The following ZNF521 variants were observed in gnomAD, a reference collection of about 807,000 sequenced individuals.
The protein encoded by ZNF521 is zinc finger protein 521.
A neutral mutation model predicts 105.5 loss-of-function variants in ZNF521; 14 were observed. The observed-to-expected ratio is 0.13, with a 90% CI of 0.09 to 0.21. ZNF521 has a LOEUF of 0.21. ZNF521 is among the 10% of genes least tolerant of loss of function. ZNF521 has a pLI of 1.00. For synonymous variants in ZNF521, 635 were observed against 606.0 expected (o/e 1.05, Z -0.70); for missense variants, 1,233 against 1,629.7 (o/e 0.76, Z 4.19).
At chr18:25,322,487 T>C (rs575419087) in intron 2 of ZNF521, among the ~76,000 whole-genome samples, 1 of 150,774 alleles carries the variant, frequency 6.6e-6, no homozygotes, top group Non-Finnish European at 1.5e-5. Flanking sequence ...CCTTTTAGTT[T>C]TCGCTTAAAA....
chr18:25,157,631 T>C (rs375931591), intron 5 of ZNF521, among the ~76,000 whole-genome samples: 4 of 152,352 alleles, frequency 2.6e-5, no homozygotes, highest in South Asian at 4.1e-4. Flanking sequence ...TTAAGGCATA[T>C]AAAGAATATA....
chr18:25,250,244 C>A (rs1908021263), intron 3 of ZNF521, among the ~76,000 whole-genome samples: 1 of 152,174 alleles, frequency 6.6e-6, no homozygotes, highest in Non-Finnish European at 1.5e-5. Flanking sequence ...CATAATCTCA[C>A]ACTCTTTCCT....
intron 3 of ZNF521, among the ~76,000 whole-genome samples, chr18:25,261,811 C>CTA (rs1908930357): frequency 6.6e-6 from 1 of 152,080 alleles, no homozygotes; most frequent in African/African-American, 2.4e-5. Flanking sequence ...GCTGAAAGTC[C>CTA]TATATATTTA....
At chr18:25,147,908 T>G (rs1447244282) in intron 5 of ZNF521, among the ~76,000 whole-genome samples, 1 of 152,206 alleles carries the variant, frequency 6.6e-6, no homozygotes, top group East Asian at 1.9e-4. Flanking sequence ...TACCCTGTCC[T>G]GACCGAACAC....
chr18:25,177,413 A>C (rs1487370581), intron 5 of ZNF521, among the ~76,000 whole-genome samples: 1 of 152,202 alleles, frequency 6.6e-6, no homozygotes, highest in African/African-American at 2.4e-5. Flanking sequence ...ATTCAAAGAA[A>C]ACTTGAGTAG....
At chr18:25,267,864 C>T (rs1909377699) in intron 3 of ZNF521, among the ~76,000 whole-genome samples, 1 of 152,126 alleles carries the variant, frequency 6.6e-6, no homozygotes, top group South Asian at 2.1e-4. Flanking sequence ...AAAACCAGAA[C>T]ACCTCTTCTC....
intron 5 of ZNF521, among the ~76,000 whole-genome samples, chr18:25,165,301 C>G (rs2035319240): frequency 6.6e-6 from 1 of 152,190 alleles, no homozygotes; most frequent in Non-Finnish European, 1.5e-5. Flanking sequence ...CTTGTCTTCA[C>G]CTTCAAATCA....
chr18:25,199,488 G>A (rs564830111), intron 4 of ZNF521, among the ~76,000 whole-genome samples: 5 of 152,006 alleles, frequency 3.3e-5, no homozygotes, highest in African/African-American at 1.2e-4. Context: ...TTTTTTAGAT[G>A]TGATAATGGT....
At chr18:25,286,049 G>A (rs1910691821) in intron 3 of ZNF521, among the ~76,000 whole-genome samples, 2 of 152,244 alleles carry the variant, frequency 1.3e-5, no homozygotes, top group South Asian at 4.1e-4. Flanking sequence ...GTGGCAACAG[G>A]ATGGAAATTG....
At chr18:25,133,457 T>C (rs1164204936) in intron 5 of ZNF521, among the ~76,000 whole-genome samples, 1 of 152,182 alleles carries the variant, frequency 6.6e-6, no homozygotes, top group Non-Finnish European at 1.5e-5. Context: ...TTCCTTAGAA[T>C]TGACTTTTCA....
intron 5 of ZNF521, among the ~76,000 whole-genome samples, chr18:25,117,085 ACAC>A (rs2034342976): frequency 8.8e-5 from 1 of 11,326 alleles, no homozygotes. Flanking sequence ...ACACACACAT[ACAC>A]ACATCCTTAA....
intron 5 of ZNF521, among the ~76,000 whole-genome samples, chr18:25,141,295 AGCTG>A (rs1378212030): frequency 1.3e-5 from 2 of 152,208 alleles, no homozygotes; most frequent in Admixed American, 6.5e-5. Flanking sequence ...TAAGAAAAAA[AGCTG>A]GCTGTTTATA....
At chr18:25,330,462 C>T (rs2145173687) in intron 2 of ZNF521, among the ~76,000 whole-genome samples, 1 of 152,292 alleles carries the variant, frequency 6.6e-6, no homozygotes, top group Middle Eastern at 3.4e-3. Flanking sequence ...CCATGCCCAG[C>T]CACCAGCTAA....
intron 5 of ZNF521, among the ~76,000 whole-genome samples, chr18:25,190,579 C>T (rs2035801336): frequency 6.6e-6 from 1 of 152,134 alleles, no homozygotes; most frequent in Non-Finnish European, 1.5e-5. Context: ...CAAGTGCACT[C>T]AAGCTGAAAT....
intron 5 of ZNF521, among the ~76,000 whole-genome samples, chr18:25,134,343 T>G (rs57879518): frequency 6.6e-6 from 1 of 152,140 alleles, no homozygotes; most frequent in Admixed American, 6.5e-5. Context: ...AACATGAGAT[T>G]TGCAGAATAT....
intron 3 of ZNF521, among the ~76,000 whole-genome samples, chr18:25,298,741 T>C (rs530950435): frequency 1.1e-3 from 160 of 152,268 alleles, no homozygotes; most frequent in Middle Eastern, 3.4e-3. Context: ...TTAGAATTAG[T>C]ATGCTTTAAA....
At chr18:25,113,989 CT>C (rs67508928) in intron 5 of ZNF521, among the ~76,000 whole-genome samples, 74,809 of 150,118 alleles carry the variant, frequency 0.5, 18,677 homozygotes, top group South Asian at 0.65. Flanking sequence ...ATAAAAAAGC[CT>C]TTTTTTTTTG....
At chr18:25,124,377 G>A (rs569614568) in intron 5 of ZNF521, among the ~76,000 whole-genome samples, 1 of 152,200 alleles carries the variant, frequency 6.6e-6, no homozygotes, top group African/African-American at 2.4e-5. Flanking sequence ...ACTGGCCACT[G>A]GGTCCTGCTT....
At chr18:25,253,656 C>T (rs568518141) in intron 3 of ZNF521, among the ~76,000 whole-genome samples, 4 of 152,132 alleles carry the variant, frequency 2.6e-5, no homozygotes, top group Admixed American at 2.6e-4. Flanking sequence ...AATGTATTTG[C>T]TGATATACAA....
Sources: allele counts gnomAD v4.1 joint callset (sites outside exome capture counted in the v4.1 genomes callset), GRCh38; gene constraint gnomAD v4.1.1; transcripts MANE v1.5; gene names NCBI Gene and HGNC (gene_info 2026-07-23, HGNC 2026-07-21).